Variants in CLDN2 observed in about 807,000 individuals in gnomAD.
CLDN2 encodes claudin 2, also known as claudin-2.
CLDN2 carries 1 observed loss-of-function variant against 8.2 expected under a neutral mutation model. That is an observed-to-expected ratio of 0.12 (90% CI 0.04 to 0.58). The LOEUF is 0.58. CLDN2 is among the 20% of genes least tolerant of loss of function. The pLI, the probability that CLDN2 is intolerant of heterozygous loss-of-function variation, is 0.90. For missense variants in CLDN2, 108 were observed against 172.9 expected, an observed-to-expected ratio of 0.62 and a Z score of 2.11; for synonymous variants, 70 against 70.2, an observed-to-expected ratio of 1.00 and a Z score of 0.01.
At chrX:106,910,519 T>C (rs1933236091) in intron 1 of CLDN2, among the ~76,000 whole-genome samples, 1 of 109,108 alleles carries the variant, frequency 9.2e-6, no homozygotes, top group East Asian at 2.9e-4. Context: ...ACCCTCCCGG[T>C]CAACATGGTG....
chrX:106,922,575 G>T (rs1933407319), intron 1 of CLDN2, among the ~76,000 whole-genome samples: 2 of 112,104 alleles, frequency 1.8e-5, no homozygotes, highest in Admixed American at 9.4e-5. Flanking sequence ...AAACCTCAAG[G>T]TATCTCACCA....
At chrX:106,914,486 C>T (rs1933288294), upstream of CLDN2, among the ~76,000 whole-genome samples, 1 of 111,400 alleles carries the variant, frequency 9.0e-6, no homozygotes, top group African/African-American at 3.3e-5. Context: ...GGATTTTCTT[C>T]ACACACTTCA....
At chrX:106,926,827 A>ACAAC (rs1933474019) in intron 1 of CLDN2, among the ~76,000 whole-genome samples, 1 of 62,585 alleles carries the variant, frequency 1.6e-5, no homozygotes, top group East Asian at 5.5e-4. Flanking sequence ...ACACACACAC[A>ACAAC]ACTAGCCAGG....
chrX:106,901,851 T>C lies in CLDN2; in HGVS notation c.-179+1347T>C, dbSNP rs188246617. Among the ~76,000 whole-genome samples the C allele has an allele frequency of 4.2e-3, 468 of 111,550 alleles. 2 individuals are homozygous for C. Among genetic ancestry groups the C allele is most frequent in the African/African-American group, 0.015 (460 of 30,706 alleles). ...GGAGATCGGGTGGGTGGGAGAGCAC[T>C]GGAGTAAGGTGCCAGGAGACGAGGC... On this transcript the variant is annotated intron_variant, in intron 1 of 1. Coordinates refer to the CLDN2 transcript ENST00000541806.
At chrX:106,926,345 A>T (rs902556408) in intron 1 of CLDN2, among the ~76,000 whole-genome samples, 14 of 111,534 alleles carry the variant, frequency 1.3e-4, no homozygotes, top group African/African-American at 4.6e-4. Flanking sequence ...TTGCTCTGCC[A>T]GTCTTGAAGC....
At chrX:106,909,716 C>T (rs1933223297) in intron 1 of CLDN2, among the ~76,000 whole-genome samples, 1 of 112,197 alleles carries the variant, frequency 8.9e-6, no homozygotes, top group Admixed American at 9.4e-5. Context: ...CCCTCAAGTC[C>T]AAATGTCCCA....
intron 1 of CLDN2, among the ~76,000 whole-genome samples, chrX:106,922,236 G>C (rs1933403108): frequency 8.9e-6 from 1 of 112,374 alleles, no homozygotes; most frequent in African/African-American, 3.2e-5. Flanking sequence ...AACTCTGGTG[G>C]AAAGCTGAAC....
chrX:106,912,084 C>T (rs1005147121), intron 1 of CLDN2, among the ~76,000 whole-genome samples: 9 of 111,184 alleles, frequency 8.1e-5, no homozygotes, highest in African/African-American at 2.9e-4. Flanking sequence ...ACCTAGGAAT[C>T]CTCTCCTCCT....
upstream of CLDN2, among the ~76,000 whole-genome samples, chrX:106,918,981 T>C (rs1933351358): frequency 8.9e-6 from 1 of 112,407 alleles, no homozygotes. Flanking sequence ...CTTAAGACTT[T>C]GTCAGTATTA....
chrX:106,901,576 A>G, intron 1 of CLDN2: 1 of 1,175,689 alleles, frequency 8.5e-7, no homozygotes, highest in South Asian at 1.8e-5. Context: ...CTCAAAGTAC[A>G]TGGCTAGATA....
At chrX:106,916,130 C>A (rs1188762062), upstream of CLDN2, among the ~76,000 whole-genome samples, 2 of 108,943 alleles carry the variant, frequency 1.8e-5, no homozygotes, top group Non-Finnish European at 3.8e-5. Context: ...GGAGTAGCAA[C>A]AACAAATACA....
chrX:106,907,414 G>T (rs770159900), intron 1 of CLDN2, among the ~76,000 whole-genome samples: 4 of 111,816 alleles, frequency 3.6e-5, no homozygotes, highest in Non-Finnish European at 7.5e-5. Flanking sequence ...AATTATAAAG[G>T]ACTAGGCTGG....
chrX:106,908,983 C>A (rs1933214575), intron 1 of CLDN2, among the ~76,000 whole-genome samples: 1 of 111,446 alleles, frequency 9.0e-6, no homozygotes, highest in East Asian at 2.8e-4. Flanking sequence ...TGGTTCTGGT[C>A]TCATTGCCGG....
intron 1 of CLDN2, among the ~76,000 whole-genome samples, chrX:106,921,405 A>G (rs1933390112): frequency 8.9e-6 from 1 of 112,192 alleles, no homozygotes; most frequent in Non-Finnish European, 1.9e-5. Flanking sequence ...TGCCCTTGGC[A>G]GCTGGAAGTG....
At chrX:106,915,089 G>T (rs1239280810), upstream of CLDN2, among the ~76,000 whole-genome samples, 1 of 112,092 alleles carries the variant, frequency 8.9e-6, no homozygotes, top group Non-Finnish European at 1.9e-5. Context: ...TTTCAAGAAT[G>T]TCATATAAAT....
At chrX:106,924,058 C>T (rs1933432331) in intron 1 of CLDN2, among the ~76,000 whole-genome samples, 1 of 111,081 alleles carries the variant, frequency 9.0e-6, no homozygotes, top group Non-Finnish European at 1.9e-5. Context: ...AGGAGAGAGA[C>T]AAGGTGAGAT....
chrX:106,922,972 A>ATTT (rs57514922), intron 1 of CLDN2, among the ~76,000 whole-genome samples: 1 of 78,388 alleles, frequency 1.3e-5, no homozygotes, highest in Admixed American at 1.6e-4. Context: ...AGCTCTGAAG[A>ATTT]TTTTTTTTTT....
intron 1 of CLDN2, among the ~76,000 whole-genome samples, chrX:106,904,724 G>C (rs1478466052): frequency 8.9e-6 from 1 of 112,222 alleles, no homozygotes; most frequent in Admixed American, 9.4e-5. Flanking sequence ...TTAAAAGCTG[G>C]TTAGATAAAT....
At chrX:106,907,279 C>T (rs1461837168) in intron 1 of CLDN2, among the ~76,000 whole-genome samples, 1 of 112,161 alleles carries the variant, frequency 8.9e-6, no homozygotes, top group Non-Finnish European at 1.9e-5. Flanking sequence ...CTTCCTCTGC[C>T]CATTCCTTGA....
Sources: allele counts gnomAD v4.1 joint callset (sites outside exome capture counted in the v4.1 genomes callset), GRCh38; gene constraint gnomAD v4.1.1; transcripts MANE v1.5; gene names NCBI Gene and HGNC (gene_info 2026-07-23, HGNC 2026-07-21).